Variants in AKR1B15 observed in about 807,000 individuals in gnomAD.
The protein encoded by AKR1B15 is aldo-keto reductase family 1 member B15.
AKR1B15 carries 49 observed loss-of-function variants against 38.5 expected under a neutral mutation model. The ratio of observed to expected loss-of-function variants is 1.27; its 90% CI spans 1.01 to 1.62. AKR1B15 has a LOEUF of 1.62. AKR1B15 is among the 40% of genes most tolerant of loss of function. AKR1B15 has a pLI of 0.00. For synonymous variants in AKR1B15, 137 were observed against 135.5 expected, an observed-to-expected ratio of 1.01 and a Z score of -0.08; for missense variants, 411 against 381.6, an observed-to-expected ratio of 1.08 and a Z score of -0.64.
At chr7:134,561,613 G>A (rs1209087133) in intron 2 of AKR1B15, among the ~76,000 whole-genome samples, 1 of 152,174 alleles carries the variant, frequency 6.6e-6, no homozygotes, top group East Asian at 1.9e-4. Flanking sequence ...CCTTCTATGA[G>A]CTGTCGTAAG....
Position 134,554,716 on chromosome 7 carries a change from A to C in AKR1B15, c.-146-2020A>C, listed in dbSNP as rs537901290. On this transcript the variant is annotated intron_variant, in intron 1 of 11. Coordinates refer to ENST00000457545, the MANE Select transcript of AKR1B15 (RefSeq NM_001080538.3). Reference sequence around the variant, plus strand: ...GGTATAAATACCTCCTGGTGCTAGTAGACACCTTTTCTGGATGGACTGAGG... The same window carrying C: ...GGTATAAATACCTCCTGGTGCTAGTCGACACCTTTTCTGGATGGACTGAGG... Among the ~76,000 whole-genome samples, 3 of 152,332 alleles carry C rather than the reference A, an allele frequency of 2.0e-5. No individual in the cohort carries two copies. The East Asian group carries it at 5.8e-4, about 29-fold the overall frequency.
rs761314738 is a variant in AKR1B15 at position 134,576,445 on chromosome 7, T to C, written c.825+15T>C. 9 of 1,613,422 alleles carry C rather than the reference T, an allele frequency of 5.6e-6. No homozygotes were observed. Among genetic ancestry groups the C allele is most frequent in the South Asian group, 1.1e-5 (1 of 91,028 alleles). ...CCACAGCCCAGGTACCATATTTTTA[T>C]TTTTCTTGTTATCCAACCACTCATG... On this transcript the variant is annotated intron_variant, in intron 9 of 11. Coordinates refer to ENST00000457545, the MANE Select transcript of AKR1B15 (RefSeq NM_001080538.3).
rs1464307730 is a variant in AKR1B15, at chr7:134,569,511, C to T, written c.417C>T (p.His139=). ...KLSYLDVYLI[H]WPQGFKTGDD... ...GCTATCTGGACGTCTATCTTATTCACTGGCCACAGGGATTCAAGGTTTGAG... is the reference window on the plus strand; with the variant it reads ...GCTATCTGGACGTCTATCTTATTCATTGGCCACAGGGATTCAAGGTTTGAG... Residue 139 remains histidine, a synonymous_variant, in exon 5 of 12, where the codon CAC becomes CAT. Coordinates refer to ENST00000457545, the MANE Select transcript of AKR1B15 (RefSeq NM_001080538.3). 6.2e-7 allele frequency: 1 copy of T among 1,614,076 alleles called. No individual in the cohort carries two copies.
chr7:134,561,450 AC>A (rs1195193920), intron 2 of AKR1B15, among the ~76,000 whole-genome samples: 1 of 152,184 alleles, frequency 6.6e-6, no homozygotes, highest in Admixed American at 6.5e-5. Context: ...CAAGTGATCC[AC>A]CTGCCTTGGC....
At chr7:134,558,139 C>T (rs114532120) in intron 2 of AKR1B15, among the ~76,000 whole-genome samples, 1 of 152,246 alleles carries the variant, frequency 6.6e-6, no homozygotes, top group East Asian at 1.9e-4. Flanking sequence ...TGCAGTTCTC[C>T]GGGTTTATGG....
intron 11 of AKR1B15, 48 bp downstream of exon 11, chr7:134,577,834 A>G: frequency 1.3e-6 from 2 of 1,591,562 alleles, no homozygotes; most frequent in Non-Finnish European, 1.7e-6. Context: ...GTTTTTCTAA[A>G]CTGGTAGAGG....
At position 134,551,485 on chromosome 7, in the gene AKR1B15, C is replaced by T. The variant is rs1295387563; in HGVS notation, c.-147+2236C>T. ...TGAGTGTCAGCAACTCCTTTCATCCCTTTTCACCTCTGAAGAGAGGGACCA... is the reference window on the plus strand; with the variant it reads ...TGAGTGTCAGCAACTCCTTTCATCCTTTTTCACCTCTGAAGAGAGGGACCA... On this transcript the variant is annotated intron_variant, in intron 1 of 11. Coordinates refer to ENST00000457545, the MANE Select transcript of AKR1B15 (RefSeq NM_001080538.3). Among the ~76,000 whole-genome samples the T allele has an allele frequency of 3.3e-5, 5 of 152,208 alleles. 1 individual carries two copies. The highest frequency in any genetic ancestry group is 1.2e-4 in the African/African-American group (5 of 41,450).
At chr7:134,550,667 G>T (rs913312885) in intron 1 of AKR1B15, among the ~76,000 whole-genome samples, 1 of 152,142 alleles carries the variant, frequency 6.6e-6, no homozygotes, top group Admixed American at 6.5e-5. Context: ...GTCCATGCTG[G>T]GTTTAATATT....
intron 4 of AKR1B15, 84 bp from the exon 5 acceptor site, chr7:134,569,329 T>G: frequency 6.6e-7 from 1 of 1,520,732 alleles, no homozygotes; most frequent in Non-Finnish European, 9.1e-7. Context: ...TAGATGAGGA[T>G]GCAAATCAAA....
intron 11 of AKR1B15, among the ~76,000 whole-genome samples, chr7:134,579,211 T>G (rs1465211842): frequency 1.3e-5 from 2 of 152,186 alleles, no homozygotes; most frequent in Non-Finnish European, 2.9e-5. Flanking sequence ...CCTCATGATG[T>G]TGTGAGAGTG....
At chr7:134,558,558 AG>A (rs1401822388) in intron 2 of AKR1B15, among the ~76,000 whole-genome samples, 6 of 152,302 alleles carry the variant, frequency 3.9e-5, no homozygotes, top group African/African-American at 1.2e-4. Context: ...CATCCTCCAC[AG>A]GAAGAGTAGA....
chr7:134,550,909 G>T (rs1793945209), intron 1 of AKR1B15, among the ~76,000 whole-genome samples: 1 of 152,200 alleles, frequency 6.6e-6, no homozygotes, highest in Admixed American at 6.5e-5. Context: ...TGTTCAGGCT[G>T]TGTGGTGGGT....
chr7:134,574,426 C>T (rs982304207), intron 6 of AKR1B15, among the ~76,000 whole-genome samples: 1 of 152,048 alleles, frequency 6.6e-6, no homozygotes, highest in Non-Finnish European at 1.5e-5. Flanking sequence ...GAAAGGACTC[C>T]CCTGACAACT....
intron 1 of AKR1B15, among the ~76,000 whole-genome samples, chr7:134,552,207 G>A (rs1438538620): frequency 6.6e-6 from 1 of 152,116 alleles, no homozygotes; most frequent in African/African-American, 2.4e-5. Context: ...AGCTACAGGC[G>A]TCCATCTCCT....
chr7:134,562,880 T>TTC (rs1413775164), intron 2 of AKR1B15, among the ~76,000 whole-genome samples: 15 of 139,200 alleles, frequency 1.1e-4, no homozygotes, highest in Admixed American at 5.0e-4. Flanking sequence ...CTTTCTTTCT[T>TTC]TCTTTCTTTC....
intron 6 of AKR1B15, 109 bp from the exon 7 acceptor site, chr7:134,575,311 T>C (rs372221214): frequency 1.3e-6 from 2 of 1,482,980 alleles, no homozygotes; most frequent in Non-Finnish European, 1.8e-6. Flanking sequence ...TTCAGCTAAC[T>C]CTGTTGCGGT....
intron 4 of AKR1B15, 60 bp from the exon 5 acceptor site, chr7:134,569,353 G>C (rs1794615307): frequency 1.0e-5 from 16 of 1,582,320 alleles, no homozygotes; most frequent in Non-Finnish European, 1.4e-5. Context: ...CAGGGACAAT[G>C]AGTATAATGT....
chr7:134,565,521 CCA>C (rs1794513012), intron 3 of AKR1B15: 1 of 1,613,866 alleles, frequency 6.2e-7, no homozygotes, highest in Non-Finnish European at 8.5e-7. Flanking sequence ...GCCAAGATGC[CCA>C]TTGTGGGCCT....
intron 2 of AKR1B15, among the ~76,000 whole-genome samples, chr7:134,562,858 CTTTCTTTCTTTCTTTCTTTCTTTCTTTCT>C (rs1794443715): frequency 7.2e-6 from 1 of 139,484 alleles, no homozygotes; most frequent in African/African-American, 2.9e-5. Context: ...TTCTTTCTTT[CTTTCTTTCTTTCTTTCTTTCTTTCTTTCT>C]TTCCTTCTTT....
Sources: gnomAD v4.1 joint callset for allele counts (sites outside exome capture counted in the v4.1 genomes callset) on GRCh38, gnomAD v4.1.1 for gene constraint, MANE v1.5 for transcripts, NCBI Gene and HGNC (gene_info 2026-07-23, HGNC 2026-07-21) for gene names.